The following MICAL1 variants were observed in gnomAD, a reference collection of about 807,000 sequenced individuals.
MICAL1 encodes [F-actin]-monooxygenase MICAL1.
MICAL1 carries 95 observed loss-of-function variants against 131.8 expected under a neutral mutation model. The observed-to-expected ratio is 0.72, with a 90% CI of 0.61 to 0.86. The LOEUF (loss-of-function observed/expected upper bound fraction) is 0.86, where lower values mean the gene tolerates loss of function less well. MICAL1 is among the 40% of genes least tolerant of loss of function. The pLI, the probability that MICAL1 is intolerant of heterozygous loss-of-function variation, is 0.00. For missense variants in MICAL1, 1,292 were observed against 1,380.6 expected (o/e 0.94, Z 1.02); for synonymous variants, 546 against 554.2 (o/e 0.99, Z 0.21).
At chr6:109,457,535 CCA>C (rs1211786440), upstream of MICAL1, among the ~76,000 whole-genome samples, 1 of 29,842 alleles carries the variant, frequency 3.4e-5, no homozygotes, top group Non-Finnish European at 4.8e-5. Context: ...TCCTTGAGAT[CCA>C]GAGACCATAA....
upstream of MICAL1, among the ~76,000 whole-genome samples, chr6:109,459,678 G>A (rs1431529302): frequency 1.3e-5 from 2 of 152,190 alleles, no homozygotes; most frequent in Non-Finnish European, 2.9e-5. Flanking sequence ...TACCTTGAGA[G>A]GCTGCAAAGA....
rs146727348 is a variant in MICAL1 at position 109,449,435 on chromosome 6, T to C, written c.1481A>G (p.Asn494Ser). 2.4e-5 allele frequency: 39 copies of C among 1,614,082 alleles called. No individual in the cohort carries two copies. The African/African-American group carries it at 4.9e-4, about 20-fold the overall frequency. Reference protein sequence around the residue: ...DVLAKEPVQRNNDKTDTGMPA... With the variant: ...DVLAKEPVQRSNDKTDTGMPA... ...CATCCCTGTATCTGTCTTGTCGTTG[T>C]TCCTCTGCACAGGCTCCTTGGCTAG... The change falls in exon 11 of 25, where the codon AAC becomes AGC. Residue 494 changes from asparagine to serine, a missense_variant. Asn to Ser is a conservative substitution (Grantham distance 46). Transcript: ENST00000358807.
At chr6:109,465,077 T>C (rs1291221297) in intron 1 of MICAL1, 1 of 152,306 alleles carries the variant, frequency 6.6e-6, no homozygotes, top group Non-Finnish European at 1.5e-5. Context: ...GTGAATGTCT[T>C]GATCCAATTT....
At chr6:109,459,287 A>G (rs1775833621), upstream of MICAL1, among the ~76,000 whole-genome samples, 1 of 152,230 alleles carries the variant, frequency 6.6e-6, no homozygotes, top group Admixed American at 6.5e-5. Context: ...TACAATGGTG[A>G]GCCCAAACAG....
chr6:109,445,045 C>T, intron 22 of MICAL1, 50 bp from the exon 23 acceptor site: 1 of 1,599,516 alleles, frequency 6.3e-7, no homozygotes. Flanking sequence ...CCAGCCAGCA[C>T]CACAGGAGTT....
At chr6:109,449,319 TGCA>T in intron 11 of MICAL1, 78 bp downstream of exon 11, 1 of 1,438,390 alleles carries the variant, frequency 7.0e-7, no homozygotes, top group Non-Finnish European at 9.8e-7. Context: ...GTCCTGAGGC[TGCA>T]GCTGCTTTGC....
intron 22 of MICAL1, 77 bp downstream of exon 22, chr6:109,445,097 GTGTTAGCTGTGTGGCATAGCCAC>G: frequency 6.4e-7 from 1 of 1,555,710 alleles, no homozygotes; most frequent in Non-Finnish European, 8.8e-7. Flanking sequence ...TCACAGGTAT[GTGTTAGCTGTGTGGCATAGCCAC>G]TGGGACTCCT....
In MICAL1 at chr6:109,452,563, G is replaced by A; in HGVS notation, c.624C>T (p.Asn208=). ...CCGAGATAAGGACGTCAAATTCATA[G>A]TTGGCCAGCTGGGCAGGGGGGTTGG... is the stretch of plus-strand genomic sequence containing the variant. ...LQPNPPAQLA[N]YEFDVLISAA... Residue 208 remains asparagine (N), a synonymous_variant, in exon 5 of 25, where the codon AAC becomes AAT. Transcript: ENST00000358807. 6.2e-7 allele frequency: 1 copy of A among 1,613,878 alleles called. No individual in the cohort carries two copies. The highest frequency in any genetic ancestry group is 1.1e-5 in the South Asian group (1 of 91,068).
chr6:109,455,866 G>C (rs983836634), upstream of MICAL1: 18 of 985,490 alleles, frequency 1.8e-5, no homozygotes, highest in South Asian at 1.9e-4. This position sits in a 1 kb window ranked among gnomAD's most constrained non-coding sequence, Gnocchi z 4.7. Context: ...CGTGCGCCTG[G>C]AGTCGCGCGG....
At chr6:109,446,928 C>T in intron 17 of MICAL1, 145 bp downstream of exon 17, 2 of 1,245,628 alleles carry the variant, frequency 1.6e-6, no homozygotes, top group Non-Finnish European at 2.3e-6. Flanking sequence ...TGGAGCTTTG[C>T]AGGGGACAGA....
rs1420671159 is a variant in MICAL1, at chr6:109,450,501, C to T, written c.990G>A (p.Leu330=). The T allele has an allele frequency of 1.9e-6, 3 of 1,613,106 alleles. No individual in the cohort carries two copies. Among genetic ancestry groups the T allele is most frequent in the African/African-American group, 2.7e-5 (2 of 75,062 alleles). Residue 330 remains leucine (L), a synonymous_variant, in exon 8 of 25, where the codon CTG becomes CTA. Transcript: ENST00000358807. ...LGSANVVPEA[L]QRFTRAAADF... Reference sequence around the variant, plus strand: ...CAGCAGCTGCCCGGGTAAAGCGCTGCAGAGCCTCGGGCACCACATTGGCAC... The same window carrying T: ...CAGCAGCTGCCCGGGTAAAGCGCTGTAGAGCCTCGGGCACCACATTGGCAC...
upstream of MICAL1, among the ~76,000 whole-genome samples, chr6:109,459,810 CCA>C (rs1198698562): frequency 1.1e-4 from 17 of 152,064 alleles, no homozygotes; most frequent in Admixed American, 5.2e-4. Flanking sequence ...ACTTAATTAA[CCA>C]AACTAAAATT....
At chr6:109,461,615 G>C (rs1310182502) in intron 1 of MICAL1, among the ~76,000 whole-genome samples, 1 of 151,878 alleles carries the variant, frequency 6.6e-6, no homozygotes, top group Admixed American at 6.6e-5. Flanking sequence ...TCCAGACATA[G>C]ACCCTCAATT....
Position 109,454,005 on chromosome 6 carries a change from CCA to C in MICAL1, c.190_191del (p.Trp64AspfsTer77). The C allele has an allele frequency of 1.9e-6, 3 of 1,614,138 alleles. No homozygotes were observed. Among genetic ancestry groups the C allele is most frequent in the Non-Finnish European group, 2.5e-6 (3 of 1,180,044 alleles). ...GGCCTGCTCGCTTGTCCAGCTTGGT[CCA>C]CAGTGACTTGGCGCTCCAGTAGTTG... Reference protein sequence around the residue: ...QLNYWSAKSLWTKLDKRAGQP... With the variant: ...QLNYWSAKSLXTKLDKRAGQP... On this transcript the variant is annotated frameshift_variant, in exon 2 of 25. Coordinates refer to ENST00000358807, the MANE Select transcript of MICAL1 (RefSeq NM_022765.4). LOFTEE classifies it high-confidence loss of function.
intron 1 of MICAL1, among the ~76,000 whole-genome samples, chr6:109,462,429 A>G (rs907754721): frequency 2.0e-5 from 3 of 152,208 alleles, no homozygotes; most frequent in African/African-American, 7.2e-5. Flanking sequence ...GACATGGAAG[A>G]TGTTTGAGAC....
At position 109,445,320 on chromosome 6, in the gene MICAL1, G is replaced by A. The variant is rs536097623; in HGVS notation, c.2788-30C>T. On this transcript the variant is annotated intron_variant, in intron 21 of 24. Transcript: ENST00000358807. ...GGGGTACAAGACAGAATATCCAGGA[G>A]TCTCTAGGTTGCTCAAGAACAGAGC... 5.0e-6 allele frequency: 8 copies of A among 1,613,558 alleles called. No individual in the cohort carries two copies. The South Asian group carries it at 6.6e-5, about 13-fold the overall frequency.
At chr6:109,444,508 G>A (rs550173600) in intron 24 of MICAL1, among the ~76,000 whole-genome samples, 169 bp from the exon 25 acceptor site, 4 of 152,330 alleles carry the variant, frequency 2.6e-5, no homozygotes, top group African/African-American at 9.6e-5. Context: ...TGAGCAGCAC[G>A]ATTTTTTTTG....
rs766636388 is a variant in MICAL1 at position 109,446,750 on chromosome 6, G to C, written c.2250C>G (p.His750Gln). ...CCGCTTTGTGGTCTGTCTGGGGCAG[G>C]TGCTGGAGGCAGTAGAAATGTCCTG... ...PGDGHFYCLQ[H>Q]LPQTDHKAEG... Residue 750 changes from histidine (H) to glutamine (Q), a missense_variant, in exon 18 of 25, where the codon CAC becomes CAG. Physicochemically the swap from His to Gln is conservative, Grantham distance 24. Transcript: ENST00000358807. 2 of 1,613,840 alleles carry C rather than the reference G, an allele frequency of 1.2e-6. No homozygotes were observed. Among genetic ancestry groups the C allele is most frequent in the South Asian group, 2.2e-5 (2 of 90,956 alleles).
Position 109,452,520 on chromosome 6 carries a change from C to T in MICAL1, c.667G>A (p.Val223Ile), listed in dbSNP as rs113630183. ...GGAAGTGATCACTCACCTTCAGGGA[C>T]GAATTTACCTCCTGCAGCCGAGATA... ...VLISAAGGKF[V>I]PEGFKVREMR... The change falls in exon 5 of 25, where the codon GTC (valine) becomes ATC (isoleucine). Residue 223 changes from valine (V) to isoleucine (I), a missense_variant. Val to Ile is a conservative substitution (Grantham distance 29, BLOSUM62 3). Transcript: ENST00000358807. 3.7e-5 allele frequency: 60 copies of T among 1,613,740 alleles called. No homozygotes were observed. Among genetic ancestry groups the T allele is most frequent in the African/African-American group, 3.5e-4 (26 of 74,874 alleles).
Sources: gnomAD v4.1 joint callset for allele counts (sites outside exome capture counted in the v4.1 genomes callset) on GRCh38, gnomAD v4.1.1 for gene constraint, Gnocchi (gnomAD v3.1) non-coding constraint, MANE v1.5 for transcripts, NCBI Gene and HGNC (gene_info 2026-07-23, HGNC 2026-07-21) for gene names.